The following JAZF1 variants were observed in gnomAD, a reference collection of about 807,000 sequenced individuals.
JAZF1 encodes juxtaposed with another zinc finger protein 1.
Under a neutral mutation model 26.4 loss-of-function variants are expected in JAZF1, and 8 were observed. That is an observed-to-expected ratio of 0.30 (90% CI 0.18 to 0.55). The LOEUF is 0.55. Ranked by LOEUF, JAZF1 falls within the 20% of genes least tolerant of loss-of-function variation. The pLI, the probability that JAZF1 is intolerant of heterozygous loss-of-function variation, is 0.94. For missense variants in JAZF1, 199 were observed against 322.0 expected, an observed-to-expected ratio of 0.62 and a Z score of 2.92; for synonymous variants, 126 against 122.3, an observed-to-expected ratio of 1.03 and a Z score of -0.20.
intron 2 of JAZF1, among the ~76,000 whole-genome samples, chr7:27,962,730 T>G (rs563029244): frequency 6.6e-6 from 1 of 152,324 alleles, no homozygotes; most frequent in Admixed American, 6.5e-5. Context: ...GCTGCTTTCA[T>G]TTTGTATTTA....
At chr7:27,935,975 G>A (rs1467877563) in intron 2 of JAZF1, among the ~76,000 whole-genome samples, 1 of 152,124 alleles carries the variant, frequency 6.6e-6, no homozygotes, top group African/African-American at 2.4e-5. Context: ...CAGTGAAGAG[G>A]GTGCTCACTC....
intron 3 of JAZF1, among the ~76,000 whole-genome samples, chr7:27,868,964 G>A (rs185318157): frequency 4.6e-5 from 7 of 152,204 alleles, no homozygotes; most frequent in Admixed American, 4.6e-4. Flanking sequence ...GAGGTGTGTG[G>A]GCTCTTTCCT....
rs141145790 is a variant in JAZF1 at position 27,847,915 on chromosome 7, G to A, written c.386-7048C>T. Among the ~76,000 whole-genome samples, 342 of 152,182 alleles carry A rather than the reference G, an allele frequency of 2.2e-3. 16 individuals are homozygous for A. In the East Asian group the frequency reaches 0.059, roughly 26 times the overall value. Reference sequence around the variant, plus strand: ...ACTCCTGACCTCAGGTGATCCGCCCGTCTCAGCCTCCCAAAGTCCTGGGAT... The same window carrying A: ...ACTCCTGACCTCAGGTGATCCGCCCATCTCAGCCTCCCAAAGTCCTGGGAT... On this transcript the variant is annotated intron_variant, in intron 3 of 4. Coordinates refer to ENST00000283928, the MANE Select transcript of JAZF1 (RefSeq NM_175061.4).
At chr7:28,150,965 A>T (rs1232186533) in intron 1 of JAZF1, among the ~76,000 whole-genome samples, 1 of 152,220 alleles carries the variant, frequency 6.6e-6, no homozygotes. Flanking sequence ...GAAGTGAAAA[A>T]GTTTTAAGTT....
At chr7:27,874,821 A>G (rs952903904) in intron 3 of JAZF1, among the ~76,000 whole-genome samples, 6 of 152,164 alleles carry the variant, frequency 3.9e-5, no homozygotes, top group African/African-American at 1.4e-4. Context: ...GCTGGTCAAT[A>G]GCCTTTGGGA....
intron 1 of JAZF1, among the ~76,000 whole-genome samples, chr7:28,019,237 G>A (rs1212600680): frequency 1.3e-5 from 2 of 152,102 alleles, no homozygotes; most frequent in African/African-American, 2.4e-5. Context: ...CACTGGAACC[G>A]GCGCTGACAA....
chr7:28,038,804 G>A (rs866314799), intron 1 of JAZF1, among the ~76,000 whole-genome samples: 6 of 152,124 alleles, frequency 3.9e-5, no homozygotes, highest in Non-Finnish European at 5.9e-5. Context: ...TTTATTTAAA[G>A]CAAAAGATTT....
chr7:27,948,623 C>T (rs1443405807), intron 2 of JAZF1, among the ~76,000 whole-genome samples: 2 of 152,198 alleles, frequency 1.3e-5, no homozygotes, highest in Non-Finnish European at 2.9e-5. Context: ...GGAGCACTTA[C>T]AGCCAAGATG....
intron 3 of JAZF1, among the ~76,000 whole-genome samples, chr7:27,890,865 C>T (rs1226727076): frequency 6.6e-6 from 1 of 150,978 alleles, no homozygotes; most frequent in South Asian, 2.1e-4. Context: ...TCTCGGCTCA[C>T]CGCAACCTCC....
intron 1 of JAZF1, among the ~76,000 whole-genome samples, chr7:28,088,211 A>G (rs1784239222): frequency 6.6e-6 from 1 of 152,232 alleles, no homozygotes; most frequent in Non-Finnish European, 1.5e-5. Context: ...ATGGTAGCCA[A>G]CAGCAGTTTC....
intron 3 of JAZF1, among the ~76,000 whole-genome samples, chr7:27,858,311 C>G (rs1178614675): frequency 6.6e-6 from 1 of 152,178 alleles, no homozygotes; most frequent in Non-Finnish European, 1.5e-5. Context: ...ACTGCACAAA[C>G]TAATTTACAG....
chr7:27,885,459 C>T (rs1783843112), intron 3 of JAZF1, among the ~76,000 whole-genome samples: 1 of 152,200 alleles, frequency 6.6e-6, no homozygotes, highest in African/African-American at 2.4e-5. Flanking sequence ...ATCTTAAATG[C>T]TTCTGTGTTA....
At position 27,909,162 on chromosome 7, in the gene JAZF1, ACCAGGCCCTGCTAATTTTGAATAACCAC is replaced by A. The variant is rs538899839; in HGVS notation, c.189-13774_189-13747del. Among the ~76,000 whole-genome samples the A allele has an allele frequency of 8.8e-3, 1,337 of 151,580 alleles. 11 individuals are homozygous for A. Among genetic ancestry groups the A allele is most frequent in the Non-Finnish European group, 0.015 (998 of 67,990 alleles). ...GTAGCTAGGACTATAGTTGCACACC[ACCAGGCCCTGCTAATTTTGAATAACCAC>A]CCAGGCCCTGCTAATTTTGAATAAC... is the stretch of plus-strand genomic sequence containing the variant. On this transcript the variant is annotated intron_variant, in intron 2 of 4. Coordinates refer to ENST00000283928, the MANE Select transcript of JAZF1 (RefSeq NM_175061.4).
chr7:27,964,408 C>T (rs147377299), intron 2 of JAZF1, among the ~76,000 whole-genome samples: 3 of 152,156 alleles, frequency 2.0e-5, no homozygotes, highest in African/African-American at 7.2e-5. Context: ...GCCACTAAAA[C>T]AGTAATTTTG....
chr7:27,851,129 G>A (rs1399447409), intron 3 of JAZF1, among the ~76,000 whole-genome samples: 3 of 152,102 alleles, frequency 2.0e-5, no homozygotes, highest in African/African-American at 7.2e-5. Context: ...TTTTAGTAGA[G>A]ACAGGGTTTC....
chr7:28,041,300 C>G (rs1008017115), intron 1 of JAZF1, among the ~76,000 whole-genome samples: 6 of 152,088 alleles, frequency 3.9e-5, no homozygotes, highest in South Asian at 2.1e-4. Context: ...GAAGTTCACC[C>G]TCTTTCCAAG....
At chr7:27,933,089 C>T (rs1036686549) in intron 2 of JAZF1, among the ~76,000 whole-genome samples, 8 of 152,140 alleles carry the variant, frequency 5.3e-5, no homozygotes, top group Middle Eastern at 3.4e-3. Flanking sequence ...AATTTTCCAA[C>T]GGAGGAAAAT....
At chr7:28,067,684 T>C (rs1426491486) in intron 1 of JAZF1, among the ~76,000 whole-genome samples, 1 of 152,188 alleles carries the variant, frequency 6.6e-6, no homozygotes, top group Non-Finnish European at 1.5e-5. Flanking sequence ...GAAAAACATA[T>C]TTGAACCAAG....
intron 3 of JAZF1, chr7:27,843,446 T>C (rs545041910): frequency 3.9e-5 from 6 of 152,326 alleles, no homozygotes; most frequent in African/African-American, 1.2e-4. Context: ...AGGACCTCCA[T>C]AGAGTATGCA....
Sources: allele counts gnomAD v4.1 joint callset (sites outside exome capture counted in the v4.1 genomes callset), GRCh38; gene constraint gnomAD v4.1.1; transcripts MANE v1.5; gene names NCBI Gene and HGNC (gene_info 2026-07-23, HGNC 2026-07-21).